The following CARMIL2 variants were observed in gnomAD, a reference collection of about 807,000 sequenced individuals.
CARMIL2 encodes capping protein regulator and myosin 1 linker 2.
A neutral mutation model predicts 173.3 loss-of-function variants in CARMIL2; 96 were observed. The observed-to-expected ratio is 0.55, with a 90% CI of 0.47 to 0.66. The LOEUF is 0.66. Ranked by LOEUF, CARMIL2 falls within the 30% of genes least tolerant of loss-of-function variation. The pLI is 0.00. For synonymous variants in CARMIL2, 830 were observed against 817.1 expected (o/e 1.02, Z -0.27); for missense variants, 1,771 against 1,906.7 (o/e 0.93, Z 1.33).
Position 67,652,512 on chromosome 16 carries a change from G to A in CARMIL2, c.2858G>A (p.Gly953Asp), listed in dbSNP as rs371940343. ...PPQKWPELSHGLHLVPFIHSA... is the reference protein window; with the variant it reads ...PPQKWPELSHDLHLVPFIHSA... ...CAGAAATGGCCTGAGCTCAGCCACGGTCTTCACCTGGTCCCCTTCATTCAC... is the reference window on the plus strand; with the variant it reads ...CAGAAATGGCCTGAGCTCAGCCACGATCTTCACCTGGTCCCCTTCATTCAC... The change falls in exon 28 of 38, where the codon GGT (glycine) becomes GAT (aspartate). Residue 953 changes from glycine to aspartate, a missense_variant. Gly to Asp is a moderately conservative substitution (Grantham distance 94). Transcript: ENST00000334583. This position sits in a 1 kb window ranked among gnomAD's most constrained non-coding sequence, Gnocchi z 4.7. 7.4e-6 allele frequency: 12 copies of A among 1,613,594 alleles called. No homozygotes were observed. The East Asian group carries it at 2.0e-4, about 27-fold the overall frequency.
intron 1 of CARMIL2, 102 bp downstream of exon 1, chr16:67,645,388 C>CTGGGGAGCAGGGAGGA: frequency 7.1e-7 from 1 of 1,416,442 alleles, no homozygotes; most frequent in Non-Finnish European, 9.8e-7. Flanking sequence ...AGAGGTCCTC[C>CTGGGGAGCAGGGAGGA]CTGCTCCCCA....
rs1169123142 is a variant in CARMIL2 at position 67,645,274 on chromosome 16, T to G, written c.28T>G (p.Cys10Gly). ...GGCCCAGACCCCCGACGGCATCTCC[T>G]GTGAGCTCCGAGGTAAGCGCTGGCC... is the stretch of plus-strand genomic sequence containing the variant. The part of the protein sequence containing the change: MAQTPDGIS[C>G]ELRGEITRFL... Residue 10 changes from cysteine (C) to glycine (G), a missense_variant, in exon 1 of 38, where the codon TGT becomes GGT. This residue lies in a region of CARMIL2 where 944 missense variants were observed against 975.6 expected (regional missense o/e 0.97). Transcript: ENST00000334583. 8 of 1,604,226 alleles carry G rather than the reference T, an allele frequency of 5.0e-6. No individual in the cohort carries two copies. The highest frequency in any genetic ancestry group is 6.8e-6 in the Non-Finnish European group (8 of 1,176,092).
At position 67,651,300 on chromosome 16, in the gene CARMIL2, C is replaced by T. The variant is rs1324639250; in HGVS notation, c.2298C>T (p.Ala766=). The part of the protein sequence containing the change: ...VRQAEDAIQN[A]NFSLSILPIL... Reference sequence around the variant, plus strand: ...AGGCCGAGGATGCCATCCAAAATGCCAACTTCTCTCTCAGCGTGAGCACTC... The same window carrying T: ...AGGCCGAGGATGCCATCCAAAATGCTAACTTCTCTCTCAGCGTGAGCACTC... Residue 766 remains alanine, a synonymous_variant, in exon 23 of 38, where the codon GCC becomes GCT. Transcript: ENST00000334583. This position sits in a 1 kb window ranked among gnomAD's most constrained non-coding sequence, Gnocchi z 4.2. 1.2e-6 allele frequency: 2 copies of T among 1,613,634 alleles called. No homozygotes were observed. The highest frequency in any genetic ancestry group is 2.2e-5 in the East Asian group (1 of 44,878).
chr16:67,654,081 G>GGGT, intron 29 of CARMIL2, 68 bp from the exon 30 acceptor site: 1 of 77,084 alleles, frequency 1.3e-5, no homozygotes. Flanking sequence ...GCTGCCGGCC[G>GGGT]GGGGGGGGGG....
chr16:67,647,337 T>C lies in CARMIL2; in HGVS notation c.726T>C (p.Ser242=). ...EVSEQILHMM[S]QSSHLEELVL... ...CAGAACAGATTCTGCACATGATGAG[T>C]CAGTCATCACACCTGGAGGAGCTGG... Residue 242 remains serine (S), a synonymous_variant, in exon 10 of 38, where the codon AGT becomes AGC. Coordinates refer to ENST00000334583, the MANE Select transcript of CARMIL2 (RefSeq NM_001013838.3). The C allele has an allele frequency of 6.3e-7, 1 of 1,591,572 alleles. No individual in the cohort carries two copies. The highest frequency in any genetic ancestry group is 8.6e-7 in the Non-Finnish European group (1 of 1,169,136).
chr16:67,656,279 G>C lies in CARMIL2; in HGVS notation c.3794G>C (p.Arg1265Pro). Residue 1265 changes from arginine (R) to proline (P), a missense_variant, in exon 34 of 38, where the codon CGC becomes CCC. Around this residue, in one of 3 missense-constraint regions of CARMIL2, gnomAD observed 817 missense variants for 903.5 expected, o/e 0.90. Coordinates refer to ENST00000334583, the MANE Select transcript of CARMIL2 (RefSeq NM_001013838.3). ...TEAPPISIKS[R>P]THSVSADPSC... ...GCCCCTCCCATCTCGATCAAGTCCC[G>C]CACCCACTCTGTGTCTGCTGGTGAG... is the stretch of plus-strand genomic sequence containing the variant. The C allele has an allele frequency of 6.2e-7, 1 of 1,613,944 alleles. No homozygotes were observed. The highest frequency in any genetic ancestry group is 8.5e-7 in the Non-Finnish European group (1 of 1,179,874).
rs1344936830 is a variant in CARMIL2 at position 67,654,494 on chromosome 16, A to T, written c.3384A>T (p.Arg1128=). 1 of 1,612,722 alleles carries T rather than the reference A, an allele frequency of 6.2e-7. No homozygotes were observed. The highest frequency in any genetic ancestry group is 8.5e-7 in the Non-Finnish European group (1 of 1,179,642). ...ETSPGAAPRT[R]KTTFGDLLRP... ...GCCCTGGGGCAGCTCCCCGAACCCG[A>T]AAAACTACATTTGGCGACCTACTGC... The change falls in exon 31 of 38, where the codon CGA becomes CGT. Residue 1128 remains arginine (R), a synonymous_variant. Transcript: ENST00000334583.
rs373955056 is a variant in CARMIL2, at chr16:67,649,124, G to A, written c.1640G>A (p.Arg547Gln). The change falls in exon 18 of 38, where the codon CGG becomes CAG. Residue 547 changes from arginine (R) to glutamine (Q), a missense_variant. Around this residue, in one of 3 missense-constraint regions of CARMIL2, gnomAD observed 944 missense variants for 975.6 expected, o/e 0.97. Coordinates refer to ENST00000334583, the MANE Select transcript of CARMIL2 (RefSeq NM_001013838.3). This position sits in a 1 kb window ranked among gnomAD's most constrained non-coding sequence, Gnocchi z 6.7. ...VTLVLAIGRS[R>Q]SLRHVALGRN... ...CTGGTGCTGGCCATCGGGAGAAGCC[G>A]GTCCCTGAGACATGTGGCGCTTGGA... The A allele has an allele frequency of 1.9e-6, 3 of 1,613,396 alleles. No homozygotes were observed. The highest frequency in any genetic ancestry group is 1.3e-5 in the African/African-American group (1 of 74,902).
chr16:67,648,044 C>CCCT lies in CARMIL2; in HGVS notation c.1072-5_1072-3dup. The CCCT allele has an allele frequency of 6.2e-7, 1 of 1,611,050 alleles. No homozygotes were observed. The highest frequency in any genetic ancestry group is 1.1e-5 in the South Asian group (1 of 90,340). ...CCCCACTCCATCGCACCCCTGTCCT[C>CCCT]CCTCCAGGGCCTCTATAGCTTCCTG... On this transcript the variant is annotated splice_region_variant and splice_polypyrimidine_tract_variant and intron_variant, in intron 13 of 37. Coordinates refer to ENST00000334583, the MANE Select transcript of CARMIL2 (RefSeq NM_001013838.3). The surrounding 1 kb of genome is among the most constrained non-coding windows in gnomAD (Gnocchi z 6.1).
In CARMIL2 at chr16:67,656,817, G is replaced by C; in HGVS notation, c.4053G>C (p.Pro1351=). The change falls in exon 36 of 38, where the codon CCG becomes CCC. Residue 1351 remains proline, a synonymous_variant. Transcript: ENST00000334583. ...GPRNEDGQLR[P]RPLSAGRRAV... is the part of the protein sequence containing the mutation. ...CTCCCTCAGATGGCCAGCTGAGGCC[G>C]AGGCCTCTCTCGGCAGGGCGGCGAG... 1.3e-6 allele frequency: 2 copies of C among 1,551,220 alleles called. No homozygotes were observed. The highest frequency in any genetic ancestry group is 1.7e-6 in the Non-Finnish European group (2 of 1,147,192).
chr16:67,645,190 C>T lies in CARMIL2; in HGVS notation c.-57C>T. 7 of 1,441,342 alleles carry T rather than the reference C, an allele frequency of 4.9e-6. No individual in the cohort carries two copies. The highest frequency in any genetic ancestry group is 6.6e-6 in the Non-Finnish European group (7 of 1,055,298). 89.3% of individuals were successfully genotyped at this position (1,441,342 alleles called of 1,614,324 possible). A position where few individuals can be genotyped will look rare whatever the true frequency, so the allele number is the denominator to read the frequency against. On this transcript the variant is annotated 5_prime_UTR_variant, in exon 1 of 38. Coordinates refer to ENST00000334583, the MANE Select transcript of CARMIL2 (RefSeq NM_001013838.3). Reference sequence around the variant, plus strand: ...GGGCCCCAGGCTTCCTGTGTGCGCGCTCGTCCTCTGCTGTTTCCCGCCGGA... The same window carrying T: ...GGGCCCCAGGCTTCCTGTGTGCGCGTTCGTCCTCTGCTGTTTCCCGCCGGA...
At chr16:67,655,235 C>T (rs2052818857) in intron 32 of CARMIL2, among the ~76,000 whole-genome samples, 1 of 152,186 alleles carries the variant, frequency 6.6e-6, no homozygotes, top group African/African-American at 2.4e-5. Flanking sequence ...GTTAAGAGAC[C>T]AACCTGGCCA....
In CARMIL2 at chr16:67,652,132, C is replaced by A; in HGVS notation, c.2677-67C>A. On this transcript the variant is annotated intron_variant, in intron 26 of 37. Coordinates refer to ENST00000334583, the MANE Select transcript of CARMIL2 (RefSeq NM_001013838.3). This position sits in a 1 kb window ranked among gnomAD's most constrained non-coding sequence, Gnocchi z 4.7. The stretch of plus-strand genomic sequence containing the variant: ...TAGCCCAGGGCTATTTCAGGGTCCC[C>A]TTAGTTAGCATCAATGGGATCATGG... The A allele has an allele frequency of 6.3e-7, 1 of 1,598,746 alleles. No individual in the cohort carries two copies. Among genetic ancestry groups the A allele is most frequent in the Non-Finnish European group, 8.5e-7 (1 of 1,171,466 alleles).
In CARMIL2 at chr16:67,646,477, A is replaced by C; in HGVS notation, c.426A>C (p.Arg142Ser). The change falls in exon 6 of 38, where the codon AGA becomes AGC. Residue 142 changes from arginine to serine, a missense_variant. This residue lies in a region of CARMIL2 where 944 missense variants were observed against 975.6 expected (regional missense o/e 0.97). Transcript: ENST00000334583. The surrounding 1 kb of genome is among the most constrained non-coding windows in gnomAD (Gnocchi z 4.6). ...TPASMLARLE[R>S]SSPSESTDPC... ...CCTCCATGCTGGCTCGGCTGGAGAG[A>C]AGCAGCCCCTCGGAGTCCACTGACC... The C allele has an allele frequency of 6.2e-7, 1 of 1,613,294 alleles. No individual in the cohort carries two copies. Among genetic ancestry groups the C allele is most frequent in the Non-Finnish European group, 8.5e-7 (1 of 1,179,824 alleles).
rs1262723158 is a variant in CARMIL2 at position 67,653,417 on chromosome 16, C to T, written c.3120+163C>T. Reference sequence around the variant, plus strand: ...TCCTGGCTTCTTCCTGACCACCCCCCACCCCAGGCCATGCCTGTGCGGGAC... The same window carrying T: ...TCCTGGCTTCTTCCTGACCACCCCCTACCCCAGGCCATGCCTGTGCGGGAC... On this transcript the variant is annotated intron_variant, in intron 29 of 37. Coordinates refer to ENST00000334583, the MANE Select transcript of CARMIL2 (RefSeq NM_001013838.3). The surrounding 1 kb of genome is among the most constrained non-coding windows in gnomAD (Gnocchi z 7.4). Among the ~76,000 whole-genome samples, 1 of 152,122 alleles carries T rather than the reference C, an allele frequency of 6.6e-6. No homozygotes were observed. The highest frequency in any genetic ancestry group is 1.9e-4 in the East Asian group (1 of 5,144).
chr16:67,654,448 C>T lies in CARMIL2; in HGVS notation c.3338C>T (p.Pro1113Leu), dbSNP rs1176498172. The T allele has an allele frequency of 2.5e-6, 4 of 1,613,066 alleles. No individual in the cohort carries two copies. Among genetic ancestry groups the T allele is most frequent in the Non-Finnish European group, 3.4e-6 (4 of 1,179,690 alleles). Residue 1113 changes from proline (P) to leucine (L), a missense_variant, in exon 31 of 38, where the codon CCA (proline) becomes CTA (leucine). Pro to Leu is a moderately conservative substitution (Grantham distance 98, BLOSUM62 -3). This residue lies in a region of CARMIL2 where 817 missense variants were observed against 903.5 expected (regional missense o/e 0.90). Transcript: ENST00000334583. ...AFKKPRSTRGPRTDLETSPGA... is the reference protein window; with the variant it reads ...AFKKPRSTRGLRTDLETSPGA... Reference sequence around the variant, plus strand: ...AAGAAGCCTCGTTCAACGCGGGGTCCACGGACTGATCTAGAGACCAGCCCT... The same window carrying T: ...AAGAAGCCTCGTTCAACGCGGGGTCTACGGACTGATCTAGAGACCAGCCCT...
At chr16:67,647,486 A>G in intron 10 of CARMIL2, 22 bp from the exon 11 acceptor site, 1 of 1,582,124 alleles carries the variant, frequency 6.3e-7, no homozygotes, top group South Asian at 1.1e-5. Flanking sequence ...GCAGAATCTC[A>G]TGCCTGGGGT....
rs2052608403 is a variant in CARMIL2 at position 67,647,136 on chromosome 16, C to T, written c.632C>T (p.Ala211Val). Residue 211 changes from alanine to valine, a missense_variant, in exon 9 of 38, where the codon GCT becomes GTT. Physicochemically the swap from Ala to Val is moderately conservative, Grantham distance 64 (BLOSUM62 0). Transcript: ENST00000334583. ...ACCAGGGACCTGGCCTTGAGTGTGGCTGCCCTGTCCTACAACCTGTGGTTC... is the reference window on the plus strand; with the variant it reads ...ACCAGGGACCTGGCCTTGAGTGTGGTTGCCCTGTCCTACAACCTGTGGTTC... ...LGSRDLALSV[A>V]ALSYNLWFRC... 1 of 1,613,858 alleles carries T rather than the reference C, an allele frequency of 6.2e-7. No homozygotes were observed. The highest frequency in any genetic ancestry group is 8.5e-7 in the Non-Finnish European group (1 of 1,179,878).
At chr16:67,645,460 G>T in intron 1 of CARMIL2, 80 bp from the exon 2 acceptor site, 1 of 1,422,964 alleles carries the variant, frequency 7.0e-7, no homozygotes, top group Non-Finnish European at 9.7e-7. Flanking sequence ...AAGCCCCAGG[G>T]CCCCAGCCTG....
Sources: allele counts gnomAD v4.1 joint callset (sites outside exome capture counted in the v4.1 genomes callset), GRCh38; gene constraint gnomAD v4.1.1; regional missense constraint gnomAD v4.1.1; non-coding constraint Gnocchi (gnomAD v3.1); transcripts MANE v1.5; gene names NCBI Gene and HGNC (gene_info 2026-07-23, HGNC 2026-07-21).